Variants in KCNQ5 observed in about 807,000 individuals in gnomAD.
KCNQ5 encodes potassium voltage-gated channel subfamily KQT member 5.
A neutral mutation model predicts 98.2 loss-of-function variants in KCNQ5; 30 were observed. The observed-to-expected ratio is 0.31, with a 90% confidence interval of 0.23 to 0.41. The LOEUF (loss-of-function observed/expected upper bound fraction) is 0.41. Ranked by LOEUF, KCNQ5 falls within the 10% of genes least tolerant of loss-of-function variation. The pLI is 1.00. For synonymous variants in KCNQ5, 458 were observed against 449.4 expected, an observed-to-expected ratio of 1.02 and a Z score of -0.24; for missense variants, 835 against 1,182.5, an observed-to-expected ratio of 0.71 and a Z score of 4.31.
chr6:72,711,498 CAT>C (rs1453982368), intron 1 of KCNQ5, among the ~76,000 whole-genome samples: 1 of 152,142 alleles, frequency 6.6e-6, no homozygotes, highest in African/African-American at 2.4e-5. Context: ...AGAGATGACA[CAT>C]GAGAGTGGTG....
chr6:72,886,687 A>G (rs1357770897), intron 1 of KCNQ5, among the ~76,000 whole-genome samples: 1 of 152,194 alleles, frequency 6.6e-6, no homozygotes, highest in Non-Finnish European at 1.5e-5. Flanking sequence ...AAATAAGCAG[A>G]CAACATAAGA....
At chr6:72,927,250 T>C (rs1416966599) in intron 1 of KCNQ5, among the ~76,000 whole-genome samples, 1 of 152,196 alleles carries the variant, frequency 6.6e-6, no homozygotes, top group Non-Finnish European at 1.5e-5. Context: ...TAGTTTTAAT[T>C]TGTGGCAAAT....
At chr6:72,888,197 A>G (rs1172531578) in intron 1 of KCNQ5, among the ~76,000 whole-genome samples, 1 of 152,158 alleles carries the variant, frequency 6.6e-6, no homozygotes, top group Non-Finnish European at 1.5e-5. Flanking sequence ...TAAGAAGTAG[A>G]AGGTAAGTTA....
chr6:72,641,594 T>TTG (rs201864534), intron 1 of KCNQ5, among the ~76,000 whole-genome samples: 62 of 151,604 alleles, frequency 4.1e-4, no homozygotes, highest in East Asian at 7.7e-4. Context: ...GCACACTATT[T>TTG]TGTGTGTGTG....
intron 1 of KCNQ5, among the ~76,000 whole-genome samples, chr6:72,854,431 GA>G (rs11321661): frequency 0.43 from 65,354 of 150,844 alleles, 14,709 homozygotes; most frequent in Non-Finnish European, 0.5. Context: ...AGCTTTATTA[GA>G]AAAAAAATTT....
At chr6:72,639,106 TAGA>T (rs1393711537) in intron 1 of KCNQ5, among the ~76,000 whole-genome samples, 1 of 152,092 alleles carries the variant, frequency 6.6e-6, no homozygotes. Flanking sequence ...GTTACCAATG[TAGA>T]GTGATGGAGA....
intron 1 of KCNQ5, among the ~76,000 whole-genome samples, chr6:72,671,328 C>T (rs1767092736): frequency 1.3e-5 from 2 of 152,070 alleles, no homozygotes; most frequent in African/African-American, 2.4e-5. Flanking sequence ...ACAGTGAGGG[C>T]TTATAGGGCT....
chr6:72,859,704 C>T (rs1438982395), intron 1 of KCNQ5, among the ~76,000 whole-genome samples: 1 of 152,046 alleles, frequency 6.6e-6, no homozygotes, highest in Admixed American at 6.6e-5. Flanking sequence ...ATTTCAGCCT[C>T]CCAGATAGCT....
At chr6:72,986,782 C>T (rs183873446) in intron 1 of KCNQ5, 1 of 1,464,704 alleles carries the variant, frequency 6.8e-7, no homozygotes, top group Non-Finnish European at 9.6e-7. Context: ...AAGAGGAAAC[C>T]AGAGTTGGCA....
At chr6:73,090,001 T>A (rs1202706255) in intron 5 of KCNQ5, among the ~76,000 whole-genome samples, 1 of 152,236 alleles carries the variant, frequency 6.6e-6, no homozygotes, top group Non-Finnish European at 1.5e-5. Flanking sequence ...TTTTCTATAG[T>A]GGTTGTGCTA....
chr6:73,170,501 G>A (rs1021610498), intron 11 of KCNQ5, among the ~76,000 whole-genome samples: 4 of 149,118 alleles, frequency 2.7e-5, no homozygotes, highest in African/African-American at 7.4e-5. Flanking sequence ...TGCATGCTCA[G>A]CTGGCCCAGT....
rs189328255 is a variant in KCNQ5 at position 72,625,628 on chromosome 6, T to G, written c.398+3041T>G. On this transcript the variant is annotated intron_variant, in intron 1 of 13. Coordinates refer to ENST00000370398, the MANE Select transcript of KCNQ5 (RefSeq NM_019842.4). ...TGGGAAACGGTGTTGCAGATACATGTAATTGATCACTTTGCCTAATGTATC... is the reference window on the plus strand; with the variant it reads ...TGGGAAACGGTGTTGCAGATACATGGAATTGATCACTTTGCCTAATGTATC... Among the ~76,000 whole-genome samples, 95 of 152,320 alleles carry G rather than the reference T, an allele frequency of 6.2e-4. 1 individual carries two copies. The highest frequency in any genetic ancestry group is 2.2e-3 in the African/African-American group (92 of 41,570).
At chr6:73,094,478 GT>G (rs1774396752) in intron 5 of KCNQ5, among the ~76,000 whole-genome samples, 1 of 151,850 alleles carries the variant, frequency 6.6e-6, no homozygotes, top group Non-Finnish European at 1.5e-5. Context: ...TTTGTTTTTT[GT>G]TTTTGTTTTT....
chr6:72,931,399 G>A (rs1052310479), intron 1 of KCNQ5, among the ~76,000 whole-genome samples: 1 of 152,046 alleles, frequency 6.6e-6, no homozygotes, highest in Non-Finnish European at 1.5e-5. Context: ...AGGATATCTG[G>A]TTAATGATGG....
chr6:72,728,322 G>C (rs1770389991), intron 1 of KCNQ5, among the ~76,000 whole-genome samples: 1 of 151,994 alleles, frequency 6.6e-6, no homozygotes, highest in African/African-American at 2.4e-5. Flanking sequence ...ATGAAATCAA[G>C]TTCAAATTCC....
intron 5 of KCNQ5, among the ~76,000 whole-genome samples, chr6:73,083,085 G>A (rs576751796): frequency 1.3e-5 from 2 of 151,848 alleles, no homozygotes; most frequent in Non-Finnish European, 2.9e-5. Context: ...GAAGAAAAGG[G>A]GTCTCACCAT....
chr6:72,790,454 A>G (rs986246932), intron 1 of KCNQ5, among the ~76,000 whole-genome samples: 1 of 152,200 alleles, frequency 6.6e-6, no homozygotes, highest in African/African-American at 2.4e-5. Flanking sequence ...AAGTAAAACA[A>G]TTGTACTCAT....
rs9446761 is a variant in KCNQ5 at position 72,817,347 on chromosome 6, G to A, written c.399-186561G>A. 1.4e-4 allele frequency among the ~76,000 whole-genome samples: 22 copies of A among 152,126 alleles called. No homozygotes were observed. In the East Asian group the frequency reaches 2.3e-3, roughly 16 times the overall value. On this transcript the variant is annotated intron_variant, in intron 1 of 13. Coordinates refer to ENST00000370398, the MANE Select transcript of KCNQ5 (RefSeq NM_019842.4). ...TGAGAAAACTGAGCATGATTTGTTC[G>A]TTTTGAATGCCTTAAACCAAATATT...
rs143151690 is a variant in KCNQ5 at position 73,028,238 on chromosome 6, G to A, written c.490-13698G>A. ...AGAGAGATTCTTGGGGCTTCACCAC[G>A]GCAAGACGGTGTGAACAACACAGCT... On this transcript the variant is annotated intron_variant, in intron 2 of 13. Transcript: ENST00000370398. Among the ~76,000 whole-genome samples the A allele has an allele frequency of 1.0e-3, 157 of 152,286 alleles. 2 individuals carry two copies. The East Asian group carries it at 0.027, about 27-fold the overall frequency.
Sources: gnomAD v4.1 joint callset for allele counts (sites outside exome capture counted in the v4.1 genomes callset) on GRCh38, gnomAD v4.1.1 for gene constraint, MANE v1.5 for transcripts, NCBI Gene and HGNC (gene_info 2026-07-23, HGNC 2026-07-21) for gene names.